Variants in NEGR1 observed in about 807,000 individuals in gnomAD.
NEGR1 encodes IgLON family member 4.
Under a neutral mutation model 40.9 loss-of-function variants are expected in NEGR1, and 10 were observed. The observed-to-expected ratio is 0.24, with a 90% confidence interval of 0.15 to 0.42. The LOEUF is 0.42. Ranked by LOEUF, NEGR1 falls within the 10% of genes least tolerant of loss-of-function variation. NEGR1 has a pLI of 1.00. For synonymous variants in NEGR1, 185 were observed against 166.8 expected, an observed-to-expected ratio of 1.11 and a Z score of -0.84; for missense variants, 352 against 438.9, an observed-to-expected ratio of 0.80 and a Z score of 1.77.
chr1:72,058,436 T>C (rs1296010357), intron 1 of NEGR1, among the ~76,000 whole-genome samples: 1 of 151,616 alleles, frequency 6.6e-6, no homozygotes, highest in South Asian at 2.1e-4. Context: ...TTGTTGATAT[T>C]CTGTTAGAGG....
intron 3 of NEGR1, among the ~76,000 whole-genome samples, chr1:71,736,439 A>T (rs1260442531): frequency 1.3e-5 from 2 of 152,172 alleles, no homozygotes; most frequent in African/African-American, 4.8e-5. Flanking sequence ...TTAAATTACC[A>T]TTTAAAATGT....
chr1:71,506,936 G>C (rs1345373267), intron 6 of NEGR1, among the ~76,000 whole-genome samples: 1 of 152,190 alleles, frequency 6.6e-6, no homozygotes, highest in Non-Finnish European at 1.5e-5. Flanking sequence ...TCTTAACCAG[G>C]CCCTAAAGCT....
At chr1:71,533,343 A>C (rs559534925) in intron 6 of NEGR1, among the ~76,000 whole-genome samples, 1 of 151,790 alleles carries the variant, frequency 6.6e-6, no homozygotes, top group East Asian at 2.0e-4. Context: ...ATGTTCTATA[A>C]ATAAAAATCA....
intron 2 of NEGR1, among the ~76,000 whole-genome samples, chr1:71,888,483 C>T (rs1354436745): frequency 1.3e-5 from 2 of 151,788 alleles, no homozygotes; most frequent in South Asian, 2.1e-4. Context: ...CGGGTCACTC[C>T]CACCCGAATA....
At chr1:71,721,031 G>C (rs1458535923) in intron 3 of NEGR1, among the ~76,000 whole-genome samples, 1 of 152,160 alleles carries the variant, frequency 6.6e-6, no homozygotes, top group Non-Finnish European at 1.5e-5. Flanking sequence ...TTTATTTATA[G>C]CATGACAGAG....
At chr1:72,104,318 T>C (rs1649052185) in intron 1 of NEGR1, among the ~76,000 whole-genome samples, 1 of 152,132 alleles carries the variant, frequency 6.6e-6, no homozygotes, top group Admixed American at 6.6e-5. Flanking sequence ...ATCATAAAAG[T>C]TTTTATAAGA....
At chr1:72,091,285 A>G (rs1283845949) in intron 1 of NEGR1, among the ~76,000 whole-genome samples, 3 of 152,100 alleles carry the variant, frequency 2.0e-5, no homozygotes, top group Admixed American at 1.3e-4. Context: ...GACAATGACG[A>G]TATTATAGAC....
At chr1:71,830,442 T>C (rs1239133696) in intron 2 of NEGR1, among the ~76,000 whole-genome samples, 1 of 151,776 alleles carries the variant, frequency 6.6e-6, no homozygotes, top group African/African-American at 2.4e-5. Flanking sequence ...AGTGGCTGTG[T>C]TGAATAAAAT....
Position 71,902,524 on chromosome 1 carries a change from T to A in NEGR1, c.409+32555A>T, listed in dbSNP as rs1661168838. ...TTTGTGGTAACTGTCTTCAATGTGA[T>A]GACCTGCTTGGTCAGATATTGTCAA... On this transcript the variant is annotated intron_variant, in intron 2 of 6. Transcript: ENST00000357731. Among the ~76,000 whole-genome samples, 4 of 152,232 alleles carry A rather than the reference T, an allele frequency of 2.6e-5. No homozygotes were observed. In the South Asian group the frequency reaches 8.3e-4, roughly 31 times the overall value.
intron 2 of NEGR1, among the ~76,000 whole-genome samples, chr1:71,884,349 C>T (rs1259375458): frequency 1.3e-5 from 2 of 152,144 alleles, no homozygotes; most frequent in African/African-American, 4.8e-5. Flanking sequence ...AGACCATACC[C>T]CCATCCATAC....
intron 1 of NEGR1, among the ~76,000 whole-genome samples, chr1:72,202,539 G>T (rs2100448835): frequency 6.6e-6 from 1 of 152,104 alleles, no homozygotes. Flanking sequence ...GAACACAAGT[G>T]ATAAAGTGCA....
chr1:71,897,575 A>C (rs999805028), intron 2 of NEGR1, among the ~76,000 whole-genome samples: 1 of 152,256 alleles, frequency 6.6e-6, no homozygotes, highest in African/African-American at 2.4e-5. Context: ...TATACAAAAG[A>C]AAGAGAAAAA....
intron 6 of NEGR1, among the ~76,000 whole-genome samples, chr1:71,589,239 C>T (rs1382495983): frequency 6.6e-6 from 1 of 152,130 alleles, no homozygotes; most frequent in Admixed American, 6.6e-5. Flanking sequence ...GCTTTCACAG[C>T]ACTCCACAGT....
chr1:71,788,554 C>A, intron 2 of NEGR1, among the ~76,000 whole-genome samples: 1 of 152,126 alleles, frequency 6.6e-6, no homozygotes, highest in South Asian at 2.1e-4. Flanking sequence ...AAATATAAAT[C>A]ACAAAAACTC....
At chr1:71,828,909 G>A (rs1658738643) in intron 2 of NEGR1, among the ~76,000 whole-genome samples, 1 of 151,938 alleles carries the variant, frequency 6.6e-6, no homozygotes, top group Admixed American at 6.6e-5. Flanking sequence ...AAGGCTGAGG[G>A]CAGAGAGTCA....
At chr1:72,180,968 T>C (rs979536229) in intron 1 of NEGR1, among the ~76,000 whole-genome samples, 1 of 152,066 alleles carries the variant, frequency 6.6e-6, no homozygotes, top group African/African-American at 2.4e-5. Context: ...GTGGTGCTGA[T>C]GGTGCACCAT....
At chr1:71,739,138 T>A (rs1206077853) in intron 3 of NEGR1, among the ~76,000 whole-genome samples, 1 of 139,620 alleles carries the variant, frequency 7.2e-6, no homozygotes, top group Non-Finnish European at 1.5e-5. Flanking sequence ...GGCAGACCCA[T>A]CCTTAATCTG....
chr1:71,425,484 A>C (rs1646423014), intron 6 of NEGR1, among the ~76,000 whole-genome samples: 1 of 152,194 alleles, frequency 6.6e-6, no homozygotes, highest in Non-Finnish European at 1.5e-5. Context: ...AGTCAGTGCT[A>C]TTATTCCACT....
intron 4 of NEGR1, among the ~76,000 whole-genome samples, chr1:71,611,816 T>A (rs1056426459): frequency 4.6e-5 from 7 of 152,220 alleles, no homozygotes; most frequent in African/African-American, 1.4e-4. Flanking sequence ...AAGATCCATA[T>A]TAGGCATCAG....
Sources: gnomAD v4.1 joint callset for allele counts (sites outside exome capture counted in the v4.1 genomes callset) on GRCh38, gnomAD v4.1.1 for gene constraint, MANE v1.5 for transcripts, NCBI Gene and HGNC (gene_info 2026-07-23, HGNC 2026-07-21) for gene names.